NT5DC1: variants seen among roughly 807,000 people sequenced by gnomAD.
NT5DC1 encodes the protein 5'-nucleotidase domain-containing protein 1.
A neutral mutation model predicts 59.4 loss-of-function variants in NT5DC1; 42 were observed. The observed-to-expected ratio is 0.71, with a 90% CI of 0.55 to 0.92. The LOEUF (loss-of-function observed/expected upper bound fraction) is 0.92. Ranked by LOEUF, NT5DC1 falls within the 40% of genes least tolerant of loss-of-function variation. NT5DC1 has a pLI of 0.00. For missense variants in NT5DC1, 501 were observed against 537.1 expected, an observed-to-expected ratio of 0.93 and a Z score of 0.66; for synonymous variants, 172 against 188.1, an observed-to-expected ratio of 0.91 and a Z score of 0.70.
At chr6:116,209,541 A>G (rs1781530007) in intron 6 of NT5DC1, among the ~76,000 whole-genome samples, 1 of 152,054 alleles carries the variant, frequency 6.6e-6, no homozygotes, top group Non-Finnish European at 1.5e-5. Context: ...GATGAATGCC[A>G]TCATTGATGT....
At chr6:116,237,868 T>C (rs968332842) in intron 9 of NT5DC1, among the ~76,000 whole-genome samples, 1 of 152,216 alleles carries the variant, frequency 6.6e-6, no homozygotes, top group African/African-American at 2.4e-5. Context: ...GGGGCCATTT[T>C]ATTAATAATT....
At chr6:116,165,491 C>T (rs978213418) in intron 6 of NT5DC1, among the ~76,000 whole-genome samples, 1 of 152,194 alleles carries the variant, frequency 6.6e-6, no homozygotes, top group Non-Finnish European at 1.5e-5. Flanking sequence ...GATTTGGTGA[C>T]TTCACATAGT....
intron 6 of NT5DC1, among the ~76,000 whole-genome samples, chr6:116,146,004 A>G (rs1167384662): frequency 6.6e-6 from 1 of 152,222 alleles, no homozygotes; most frequent in East Asian, 1.9e-4. Flanking sequence ...TTACTTCTGG[A>G]AAGCACCACA....
chr6:116,163,215 G>A (rs1240015671), intron 6 of NT5DC1, among the ~76,000 whole-genome samples: 2 of 147,772 alleles, frequency 1.4e-5, no homozygotes, highest in Non-Finnish European at 3.0e-5. Flanking sequence ...ATTTGGCTGT[G>A]AATTCCCCTG....
At chr6:116,202,337 A>G (rs1161909047) in intron 6 of NT5DC1, among the ~76,000 whole-genome samples, 1 of 151,944 alleles carries the variant, frequency 6.6e-6, no homozygotes. Context: ...GTTCCTTCTC[A>G]ATTTTGGCCC....
At chr6:116,132,075 T>C (rs1417732525) in intron 6 of NT5DC1, among the ~76,000 whole-genome samples, 1 of 152,210 alleles carries the variant, frequency 6.6e-6, no homozygotes, top group Non-Finnish European at 1.5e-5. Flanking sequence ...CAGTCTATCA[T>C]TGATGGGTAT....
intron 3 of NT5DC1, among the ~76,000 whole-genome samples, chr6:116,110,194 C>T (rs1778845673): frequency 6.6e-6 from 1 of 152,222 alleles, no homozygotes; most frequent in South Asian, 2.1e-4. Flanking sequence ...TAAGGGGGAA[C>T]TACCATATTT....
At chr6:116,179,004 T>C (rs1291881600) in intron 6 of NT5DC1, among the ~76,000 whole-genome samples, 2 of 152,230 alleles carry the variant, frequency 1.3e-5, no homozygotes, top group African/African-American at 4.8e-5. Context: ...TTCATAGTTA[T>C]ACAAATGGTA....
chr6:116,226,903 A>G (rs1781921921), intron 8 of NT5DC1, among the ~76,000 whole-genome samples: 1 of 152,066 alleles, frequency 6.6e-6, no homozygotes, highest in African/African-American at 2.4e-5. Context: ...GTATTTTGAT[A>G]TATATATAGA....
intron 6 of NT5DC1, among the ~76,000 whole-genome samples, chr6:116,150,106 A>G (rs937838899): frequency 1.3e-5 from 2 of 152,164 alleles, no homozygotes; most frequent in Admixed American, 1.3e-4. Context: ...CCCTGATAAA[A>G]AGTCGAGTCT....
At chr6:116,225,937 G>A (rs951921100) in intron 8 of NT5DC1, among the ~76,000 whole-genome samples, 1 of 152,124 alleles carries the variant, frequency 6.6e-6, no homozygotes, top group Admixed American at 6.5e-5. Context: ...ACTTTGGAGG[G>A]GGGTGGAGGC....
chr6:116,237,134 CA>C (rs767613320), intron 9 of NT5DC1, 50 bp downstream of exon 9: 1 of 984,184 alleles, frequency 1.0e-6, no homozygotes, highest in Non-Finnish European at 1.6e-6. Context: ...CAGACATAAG[CA>C]GTTGTGAACT....
At chr6:116,168,156 T>G (rs1048823674) in intron 6 of NT5DC1, among the ~76,000 whole-genome samples, 8 of 151,786 alleles carry the variant, frequency 5.3e-5, no homozygotes, top group South Asian at 4.1e-4. Context: ...TGGTTTGTTT[T>G]GGAAAATTCT....
rs564603197 is a variant in NT5DC1 at position 116,162,041 on chromosome 6, G to A, written c.529+44096G>A. On this transcript the variant is annotated intron_variant, in intron 6 of 11. Coordinates refer to ENST00000319550, the MANE Select transcript of NT5DC1 (RefSeq NM_152729.3). ...TAGTCTATGTTTTTTTATGGCTATTGTAAATGAGATTGAGTTTTTTATTTG... is the reference window on the plus strand; with the variant it reads ...TAGTCTATGTTTTTTTATGGCTATTATAAATGAGATTGAGTTTTTTATTTG... Among the ~76,000 whole-genome samples the A allele has an allele frequency of 5.3e-5, 8 of 152,038 alleles. No individual in the cohort carries two copies. The East Asian group carries it at 5.8e-4, about 11-fold the overall frequency.
intron 6 of NT5DC1, among the ~76,000 whole-genome samples, chr6:116,191,178 G>C (rs964960487): frequency 4.0e-5 from 6 of 151,784 alleles, no homozygotes; most frequent in Non-Finnish European, 8.8e-5. Context: ...TCTGGAAGTC[G>C]ATATCCTAAA....
intron 4 of NT5DC1, among the ~76,000 whole-genome samples, chr6:116,114,461 CTG>C: frequency 7.1e-6 from 1 of 141,338 alleles, no homozygotes; most frequent in Non-Finnish European, 1.5e-5. Context: ...ATGCTGAACA[CTG>C]TGCCCAGTCA....
At chr6:116,241,493 A>C (rs1029669856) in intron 11 of NT5DC1, among the ~76,000 whole-genome samples, 3 of 152,282 alleles carry the variant, frequency 2.0e-5, no homozygotes, top group Non-Finnish European at 4.4e-5. Context: ...GACTATGTTC[A>C]GTATTGATGT....
chr6:116,195,744 G>C (rs1781210721), intron 6 of NT5DC1, among the ~76,000 whole-genome samples: 1 of 151,982 alleles, frequency 6.6e-6, no homozygotes. Flanking sequence ...AGTGTAGGCA[G>C]ATTTAGATCA....
At chr6:116,113,470 T>C (rs117236161) in intron 4 of NT5DC1, among the ~76,000 whole-genome samples, 176 of 152,336 alleles carry the variant, frequency 1.2e-3, no homozygotes, top group Admixed American at 6.4e-3. Context: ...ACTAATCACT[T>C]CATTAGCAAT....
Sources: gnomAD v4.1 joint callset for allele counts (sites outside exome capture counted in the v4.1 genomes callset) on GRCh38, gnomAD v4.1.1 for gene constraint, MANE v1.5 for transcripts, NCBI Gene and HGNC (gene_info 2026-07-23, HGNC 2026-07-21) for gene names.